The following CNTNAP5 variants were observed in gnomAD, a reference collection of about 807,000 sequenced individuals.
CNTNAP5 encodes the protein contactin-associated protein-like 5.
CNTNAP5 carries 72 observed loss-of-function variants against 150.2 expected under a neutral mutation model. The observed-to-expected ratio is 0.48, with a 90% confidence interval of 0.40 to 0.58. The LOEUF (loss-of-function observed/expected upper bound fraction) is 0.58. Ranked by LOEUF, CNTNAP5 falls within the 20% of genes least tolerant of loss-of-function variation. CNTNAP5 has a pLI of 0.00. For synonymous variants in CNTNAP5, 672 were observed against 619.8 expected, an observed-to-expected ratio of 1.08 and a Z score of -1.25; for missense variants, 1,636 against 1,626.2, an observed-to-expected ratio of 1.01 and a Z score of -0.10.
intron 3 of CNTNAP5, among the ~76,000 whole-genome samples, chr2:124,390,597 G>A (rs1385511458): frequency 6.6e-6 from 1 of 152,170 alleles, no homozygotes; most frequent in Non-Finnish European, 1.5e-5. Flanking sequence ...AAACACCTGG[G>A]AAATACTTCT....
intron 6 of CNTNAP5, among the ~76,000 whole-genome samples, chr2:124,457,594 T>A (rs1046514107): frequency 1.3e-5 from 2 of 152,204 alleles, no homozygotes; most frequent in East Asian, 3.8e-4. Context: ...ATGTGCAGAT[T>A]TGTTACATAG....
chr2:124,106,378 G>A (rs1253572647), intron 1 of CNTNAP5, among the ~76,000 whole-genome samples: 1 of 152,194 alleles, frequency 6.6e-6, no homozygotes, highest in African/African-American at 2.4e-5. Context: ...CCTAGGCATG[G>A]TTGGAATTAT....
intron 11 of CNTNAP5, among the ~76,000 whole-genome samples, chr2:124,564,608 C>A (rs879384900): frequency 1.3e-5 from 2 of 152,138 alleles, no homozygotes; most frequent in Non-Finnish European, 1.5e-5. Context: ...CCTGCCTCAG[C>A]CTCCCAAAGC....
chr2:124,307,277 C>T (rs916837406), intron 3 of CNTNAP5, among the ~76,000 whole-genome samples: 4 of 152,144 alleles, frequency 2.6e-5, no homozygotes, highest in African/African-American at 7.2e-5. Flanking sequence ...TCTTGTGTCT[C>T]TTCCTCTTTC....
chr2:124,411,375 T>C (rs537512203), intron 3 of CNTNAP5, among the ~76,000 whole-genome samples: 3 of 152,218 alleles, frequency 2.0e-5, no homozygotes, highest in African/African-American at 7.2e-5. Flanking sequence ...CTAACTCATT[T>C]TATGAGGCCA....
In CNTNAP5 at chr2:124,296,230, G is replaced by T. The variant is rs200968928; in HGVS notation, c.381+53837G>T. On this transcript the variant is annotated intron_variant, in intron 3 of 23. Coordinates refer to ENST00000682447, the MANE Select transcript of CNTNAP5 (RefSeq NM_001367498.1). ...GAAAATCACCCTTGAAATTCCAGTG[G>T]TTTAATGCCACAAAGATTTATTTCT... Among the ~76,000 whole-genome samples the T allele has an allele frequency of 2.6e-5, 4 of 152,164 alleles. No individual in the cohort carries two copies. In the East Asian group the frequency reaches 7.7e-4, roughly 29 times the overall value.
chr2:124,695,004 G>A (rs528847214), intron 13 of CNTNAP5, among the ~76,000 whole-genome samples: 17 of 97,038 alleles, frequency 1.8e-4, no homozygotes, highest in African/African-American at 4.3e-4. Flanking sequence ...TTGTGTGTGT[G>A]TGTGTGTGTG....
At chr2:124,807,899 A>G (rs1358587066) in intron 19 of CNTNAP5, among the ~76,000 whole-genome samples, 1 of 152,212 alleles carries the variant, frequency 6.6e-6, no homozygotes, top group Non-Finnish European at 1.5e-5. Flanking sequence ...ACACCACTGG[A>G]AGATTTAGAA....
intron 19 of CNTNAP5, among the ~76,000 whole-genome samples, chr2:124,806,382 G>C (rs781111974): frequency 6.6e-6 from 1 of 152,150 alleles, no homozygotes; most frequent in African/African-American, 2.4e-5. Flanking sequence ...AGTATAAATA[G>C]GCATGAATAT....
intron 3 of CNTNAP5, among the ~76,000 whole-genome samples, chr2:124,250,289 G>A (rs1192618967): frequency 6.6e-6 from 1 of 152,116 alleles, no homozygotes; most frequent in African/African-American, 2.4e-5. Context: ...GAAATCTCAG[G>A]TGCTGCTGGT....
At chr2:124,337,230 C>T (rs868208488) in intron 3 of CNTNAP5, among the ~76,000 whole-genome samples, 6 of 151,618 alleles carry the variant, frequency 4.0e-5, no homozygotes, top group Non-Finnish European at 7.4e-5. Flanking sequence ...TTTGTTTTTT[C>T]CTTGTAAATT....
chr2:124,797,982 T>C (rs1681882334), intron 18 of CNTNAP5, 114 bp from the exon 19 acceptor site: 1 of 671,608 alleles, frequency 1.5e-6, no homozygotes, highest in Non-Finnish European at 2.6e-6. Context: ...GTCTGATGCA[T>C]GTATTACTCC....
chr2:124,444,153 C>T (rs79837492), intron 5 of CNTNAP5, among the ~76,000 whole-genome samples: 5,958 of 152,054 alleles, frequency 0.039, 147 homozygotes, highest in Non-Finnish European at 0.051. Context: ...CTCCTGCCAA[C>T]GCCTCATAAT....
chr2:124,097,751 A>T (rs1337684476), intron 1 of CNTNAP5, among the ~76,000 whole-genome samples: 1 of 152,150 alleles, frequency 6.6e-6, no homozygotes, highest in African/African-American at 2.4e-5. Flanking sequence ...ACTTCCGGCC[A>T]GGCGCAGTGG....
chr2:124,472,974 CA>C (rs1213220080), intron 6 of CNTNAP5, among the ~76,000 whole-genome samples: 1 of 151,848 alleles, frequency 6.6e-6, no homozygotes, highest in Middle Eastern at 3.2e-3. Context: ...GTATCTCCCT[CA>C]CAAATTAAAA....
chr2:124,085,678 T>C (rs151324422), intron 1 of CNTNAP5, among the ~76,000 whole-genome samples: 6 of 152,334 alleles, frequency 3.9e-5, no homozygotes, highest in Admixed American at 2.0e-4. Flanking sequence ...TAGACATATG[T>C]AACAAATTTT....
intron 3 of CNTNAP5, among the ~76,000 whole-genome samples, chr2:124,391,709 A>G (rs954177508): frequency 3.9e-5 from 6 of 152,222 alleles, no homozygotes; most frequent in Non-Finnish European, 8.8e-5. Flanking sequence ...TAATCCCAGC[A>G]CTTTGGGAGG....
intron 1 of CNTNAP5, among the ~76,000 whole-genome samples, chr2:124,042,154 C>T (rs1187071867): frequency 1.3e-5 from 2 of 152,130 alleles, no homozygotes; most frequent in African/African-American, 4.8e-5. Context: ...AGCCACCATG[C>T]CCAGCCAATT....
intron 3 of CNTNAP5, among the ~76,000 whole-genome samples, chr2:124,416,620 C>T (rs1255726708): frequency 6.6e-6 from 1 of 152,056 alleles, no homozygotes; most frequent in South Asian, 2.1e-4. Flanking sequence ...TAATTACTAG[C>T]CAATTGGGTG....
Sources: gnomAD v4.1 joint callset for allele counts (sites outside exome capture counted in the v4.1 genomes callset) on GRCh38, gnomAD v4.1.1 for gene constraint, MANE v1.5 for transcripts, NCBI Gene and HGNC (gene_info 2026-07-23, HGNC 2026-07-21) for gene names.